The following RNLS variants were observed in gnomAD, a reference collection of about 807,000 sequenced individuals.
The protein encoded by RNLS is renalase, FAD dependent amine oxidase.
A neutral mutation model predicts 39.8 loss-of-function variants in RNLS; 39 were observed. That is an observed-to-expected ratio of 0.98 (90% CI 0.76 to 1.28). The LOEUF (loss-of-function observed/expected upper bound fraction) is 1.28. RNLS is among the 50% of genes most tolerant of loss of function. The pLI, the probability that RNLS is intolerant of heterozygous loss-of-function variation, is 0.00. For missense variants in RNLS, 410 were observed against 413.3 expected (o/e 0.99, Z 0.07); for synonymous variants, 147 against 150.7 (o/e 0.98, Z 0.18).
the RNLS span, among the ~76,000 whole-genome samples, chr10:88,266,408 A>G: frequency 6.6e-6 from 1 of 152,154 alleles, no homozygotes; most frequent in East Asian, 1.9e-4. Context: ...TGCTCCTAAA[A>G]TAACTCCCCT....
intron 4 of RNLS, among the ~76,000 whole-genome samples, chr10:88,408,169 G>A (rs1853404220): frequency 6.6e-6 from 1 of 152,088 alleles, no homozygotes; most frequent in Non-Finnish European, 1.5e-5. Flanking sequence ...ACATAATCAT[G>A]GCGGCTTTAT....
intron 4 of RNLS, among the ~76,000 whole-genome samples, chr10:88,454,122 C>T (rs554634263): frequency 6.6e-6 from 1 of 152,004 alleles, no homozygotes; most frequent in East Asian, 1.9e-4. Context: ...CACTTATGGG[C>T]TGAAAAGAGA....
At chr10:88,513,491 A>G (rs1846251477) in intron 4 of RNLS, among the ~76,000 whole-genome samples, 1 of 152,142 alleles carries the variant, frequency 6.6e-6, no homozygotes, top group African/African-American at 2.4e-5. Context: ...TCTATAAATA[A>G]TATTTTAGTA....
At chr10:88,288,388 T>C (rs1217899456) in intron 6 of RNLS, among the ~76,000 whole-genome samples, 2 of 152,112 alleles carry the variant, frequency 1.3e-5, no homozygotes, top group African/African-American at 4.8e-5. Context: ...AAAGACTCGA[T>C]GAAGTAAAAC....
the RNLS span, among the ~76,000 whole-genome samples, chr10:88,216,321 AG>A: frequency 1.1e-4 from 17 of 152,338 alleles, no homozygotes; most frequent in East Asian, 2.3e-3. Context: ...TGAAAAGTTC[AG>A]GGGTAGTTAG....
intron 5 of RNLS, among the ~76,000 whole-genome samples, chr10:88,320,883 G>T (rs1846138446): frequency 6.8e-6 from 1 of 147,102 alleles, no homozygotes; most frequent in African/African-American, 2.5e-5. Flanking sequence ...GACGGCACTA[G>T]ATAGAACACT....
At chr10:88,572,759 C>T (rs993551365) in intron 4 of RNLS, 144 bp downstream of exon 4, 36 of 796,778 alleles carry the variant, frequency 4.5e-5, no homozygotes, top group Middle Eastern at 3.6e-4. Context: ...AATATCATGA[C>T]GACGGCCGTA....
chr10:88,375,021 C>T (rs1240951274), intron 4 of RNLS, among the ~76,000 whole-genome samples: 6 of 152,130 alleles, frequency 3.9e-5, no homozygotes, highest in African/African-American at 1.2e-4. Flanking sequence ...AGCCAGTTTC[C>T]TTCTTAAAGT....
Position 88,285,022 on chromosome 10 carries a change from G to GT in RNLS, c.*331dup, listed in dbSNP as rs1254031334. ...TTGAAATTTTCATAAGGATAATCAA[G>GT]TTTTTGGCACACAAACTGTTATTGT... On this transcript the variant is annotated 3_prime_UTR_variant, in exon 7 of 7. Transcript: ENST00000331772. 2 of 1,009,576 alleles carry GT rather than the reference G, an allele frequency of 2.0e-6. No individual in the cohort carries two copies. Among genetic ancestry groups the GT allele is most frequent in the Non-Finnish European group, 2.4e-6 (2 of 846,218 alleles). The allele number at this position is 1,009,576 out of a possible 1,614,324, so 62.5% of individuals were successfully genotyped here. A position where few individuals can be genotyped will look rare whatever the true frequency, so the allele number is the denominator to read the frequency against.
chr10:88,230,922 G>T, the RNLS span, among the ~76,000 whole-genome samples: 5 of 152,162 alleles, frequency 3.3e-5, no homozygotes, highest in Non-Finnish European at 7.3e-5. Flanking sequence ...TGATGATATA[G>T]CCAGTAGGTA....
At chr10:88,212,587 T>A in the RNLS span, among the ~76,000 whole-genome samples, 2 of 152,230 alleles carry the variant, frequency 1.3e-5, no homozygotes, top group Non-Finnish European at 2.9e-5. Flanking sequence ...ATTCTCTGCT[T>A]TTTTACTGAG....
intron 4 of RNLS, among the ~76,000 whole-genome samples, chr10:88,389,716 A>T (rs909963168): frequency 6.6e-6 from 1 of 152,226 alleles, no homozygotes; most frequent in African/African-American, 2.4e-5. Flanking sequence ...CAGAAATAAA[A>T]GGAGCAACAT....
chr10:88,191,533 T>C, the RNLS span, among the ~76,000 whole-genome samples: 3 of 152,214 alleles, frequency 2.0e-5, no homozygotes, highest in African/African-American at 7.2e-5. Flanking sequence ...ATATACTTCT[T>C]GCTTAAGAAA....
intron 4 of RNLS, among the ~76,000 whole-genome samples, chr10:88,363,547 C>T (rs1849801798): frequency 6.6e-6 from 1 of 152,060 alleles, no homozygotes; most frequent in African/African-American, 2.4e-5. Flanking sequence ...TTAAGTCCCT[C>T]TACTTAAGCA....
intron 4 of RNLS, among the ~76,000 whole-genome samples, chr10:88,458,437 T>C (rs572812055): frequency 6.6e-6 from 1 of 152,254 alleles, no homozygotes; most frequent in East Asian, 1.9e-4. Context: ...AAACACTTCC[T>C]ACATTCACAC....
At chr10:88,511,069 A>G (rs1846096465) in intron 4 of RNLS, among the ~76,000 whole-genome samples, 1 of 150,926 alleles carries the variant, frequency 6.6e-6, no homozygotes, top group South Asian at 2.1e-4. Flanking sequence ...AAACAATGGG[A>G]GACATAAGAA....
intron 6 of RNLS, chr10:88,309,311 G>A (rs930026387): frequency 1.1e-6 from 1 of 928,020 alleles, no homozygotes; most frequent in Non-Finnish European, 1.5e-6. Context: ...GAAAATGCAT[G>A]GGAAAAAGCA....
At chr10:88,229,677 C>G in the RNLS span, among the ~76,000 whole-genome samples, 6 of 152,214 alleles carry the variant, frequency 3.9e-5, no homozygotes, top group South Asian at 1.2e-3. Context: ...TTGCTCCCCT[C>G]TCTCCCCAGT....
chr10:88,265,486 G>A, the RNLS span, among the ~76,000 whole-genome samples: 1 of 151,914 alleles, frequency 6.6e-6, no homozygotes, highest in Non-Finnish European at 1.5e-5. Flanking sequence ...CCATGAGCAT[G>A]GGATGTGTTT....
Sources: allele counts gnomAD v4.1 joint callset (sites outside exome capture counted in the v4.1 genomes callset), GRCh38; gene constraint gnomAD v4.1.1; transcripts MANE v1.5; gene names NCBI Gene and HGNC (gene_info 2026-07-23, HGNC 2026-07-21).